Variants in UNC13C observed in about 807,000 individuals in gnomAD.
UNC13C encodes protein unc-13 homolog C.
In UNC13C, 174 loss-of-function variants were observed where a neutral mutation model predicts 245.4. The ratio of observed to expected loss-of-function variants is 0.71; its 90% CI spans 0.63 to 0.80. UNC13C has a LOEUF of 0.80. UNC13C is among the 30% of genes least tolerant of loss of function. UNC13C has a pLI of 0.00. For missense variants in UNC13C, 2,829 were observed against 2,602.9 expected (o/e 1.09, Z -1.89); for synonymous variants, 992 against 895.1 (o/e 1.11, Z -1.93).
chr15:54,201,567 A>T (rs758891999), intron 4 of UNC13C, among the ~76,000 whole-genome samples: 1 of 152,068 alleles, frequency 6.6e-6, no homozygotes, highest in African/African-American at 2.4e-5. Flanking sequence ...CAAAAGTCAC[A>T]TGATTATCTC....
At chr15:54,200,744 G>A (rs145001952) in intron 4 of UNC13C, among the ~76,000 whole-genome samples, 2 of 151,878 alleles carry the variant, frequency 1.3e-5, no homozygotes, top group East Asian at 1.9e-4. Flanking sequence ...GACAATCTAA[G>A]GTCACACCTC....
chr15:54,117,498 T>C (rs2030337055), intron 2 of UNC13C, among the ~76,000 whole-genome samples: 1 of 151,384 alleles, frequency 6.6e-6, no homozygotes, highest in South Asian at 2.1e-4. Flanking sequence ...CATATGGTAA[T>C]AGAGTTTTCT....
At chr15:54,166,024 T>C (rs1462906908) in intron 4 of UNC13C, among the ~76,000 whole-genome samples, 1 of 152,138 alleles carries the variant, frequency 6.6e-6, no homozygotes, top group East Asian at 1.9e-4. Context: ...TCTTCTGTGA[T>C]AAATTATCTT....
At chr15:54,268,517 T>C (rs74013578) in intron 10 of UNC13C, among the ~76,000 whole-genome samples, 3,829 of 152,218 alleles carry the variant, frequency 0.025, 156 homozygotes, top group African/African-American at 0.088. Context: ...ATTGCAAATG[T>C]TACTTTGTTG....
At chr15:54,297,961 A>G (rs1290251654) in intron 12 of UNC13C, 35 bp downstream of exon 12, 3 of 1,288,420 alleles carry the variant, frequency 2.3e-6, no homozygotes, top group Non-Finnish European at 3.3e-6. Context: ...ACAAAATATA[A>G]GAAATGTTCT....
intron 4 of UNC13C, among the ~76,000 whole-genome samples, chr15:54,225,881 T>C (rs1439284940): frequency 6.6e-6 from 1 of 152,188 alleles, no homozygotes; most frequent in Non-Finnish European, 1.5e-5. Flanking sequence ...CCTTGTCTTG[T>C]GCCAGTTTTC....
rs761867244 is a variant in UNC13C, at chr15:54,013,496, C to T, written c.593C>T (p.Ser198Leu). The T allele has an allele frequency of 1.7e-5, 27 of 1,613,794 alleles. No individual in the cohort carries two copies. Among genetic ancestry groups the T allele is most frequent in the Non-Finnish European group, 2.3e-5 (27 of 1,179,832 alleles). Residue 198 changes from serine to leucine, a missense_variant, in exon 2 of 33, where the codon TCA becomes TTA. Transcript: ENST00000260323. ...KKSQECVSSD[S>L]ELSTMKKSWG... ...AGTCAAGAATGTGTCTCCTCAGACT[C>T]AGAGTTAAGCACCATGAAAAAATCC... is the stretch of plus-strand genomic sequence containing the variant.
intron 4 of UNC13C, among the ~76,000 whole-genome samples, chr15:54,231,347 T>A (rs1450512307): frequency 3.3e-5 from 5 of 151,998 alleles, no homozygotes; most frequent in Non-Finnish European, 7.4e-5. Context: ...ATAATATTAA[T>A]TGTAGACCTC....
At chr15:54,292,416 A>C (rs1301298730) in intron 10 of UNC13C, among the ~76,000 whole-genome samples, 1 of 151,988 alleles carries the variant, frequency 6.6e-6, no homozygotes, top group African/African-American at 2.4e-5. Context: ...AAAATGTCCC[A>C]GAAATTAGTA....
chr15:54,316,287 C>T (rs1355500696), intron 13 of UNC13C, among the ~76,000 whole-genome samples: 1 of 151,842 alleles, frequency 6.6e-6, no homozygotes, highest in Non-Finnish European at 1.5e-5. Flanking sequence ...CTCTGTTAAC[C>T]TAATATTGCT....
At chr15:53,879,116 G>A in the UNC13C span, among the ~76,000 whole-genome samples, 3 of 152,060 alleles carry the variant, frequency 2.0e-5, no homozygotes, top group Non-Finnish European at 4.4e-5. Flanking sequence ...AAAGAAAATA[G>A]TCCTCCAAGA....
intron 29 of UNC13C, among the ~76,000 whole-genome samples, chr15:54,560,219 A>G (rs1897247014): frequency 6.6e-6 from 1 of 152,098 alleles, no homozygotes; most frequent in Middle Eastern, 3.4e-3. Context: ...TGCTACCAAA[A>G]TAGTATATTT....
chr15:53,926,844 A>G, the UNC13C span, among the ~76,000 whole-genome samples: 520 of 152,308 alleles, frequency 3.4e-3, 3 homozygotes, highest in African/African-American at 0.012. Context: ...GAACGGCAGG[A>G]CAGGATCAGG....
chr15:54,358,702 A>G (rs542525625), intron 17 of UNC13C, among the ~76,000 whole-genome samples: 106 of 152,090 alleles, frequency 7.0e-4, no homozygotes, highest in Non-Finnish European at 1.2e-3. Flanking sequence ...ACTGGTTCCA[A>G]TATTATTTTT....
At chr15:54,296,187 G>T (rs2037424793) in intron 11 of UNC13C, among the ~76,000 whole-genome samples, 1 of 151,006 alleles carries the variant, frequency 6.6e-6, no homozygotes, top group Admixed American at 6.6e-5. Context: ...CCCCAGCAGA[G>T]AATTTTTATT....
intron 1 of UNC13C, among the ~76,000 whole-genome samples, chr15:53,993,035 A>G (rs1894460735): frequency 2.6e-5 from 4 of 152,216 alleles, no homozygotes; most frequent in East Asian, 3.9e-4. Flanking sequence ...CATTTTCTAC[A>G]TAGCATCAGT....
At chr15:53,874,737 G>T in the UNC13C span, among the ~76,000 whole-genome samples, 2 of 152,138 alleles carry the variant, frequency 1.3e-5, no homozygotes, top group Non-Finnish European at 2.9e-5. Context: ...ACCAGGTACT[G>T]CTGGTACCAC....
At chr15:53,917,834 C>T in the UNC13C span, among the ~76,000 whole-genome samples, 27 of 152,234 alleles carry the variant, frequency 1.8e-4, no homozygotes, top group Non-Finnish European at 3.4e-4. Context: ...TTTTGAGAAA[C>T]GGCACTTTTT....
chr15:54,347,915 A>G (rs1010256826), intron 17 of UNC13C, among the ~76,000 whole-genome samples: 5 of 152,130 alleles, frequency 3.3e-5, no homozygotes, highest in African/African-American at 1.2e-4. Flanking sequence ...CATTTATTAC[A>G]TATATCTATT....
Sources: allele counts gnomAD v4.1 joint callset (sites outside exome capture counted in the v4.1 genomes callset), GRCh38; gene constraint gnomAD v4.1.1; transcripts MANE v1.5; gene names NCBI Gene and HGNC (gene_info 2026-07-23, HGNC 2026-07-21).